Variants in DTWD2 observed in about 807,000 individuals in gnomAD.
The protein encoded by DTWD2 is tRNA-uridine aminocarboxypropyltransferase 2.
DTWD2 carries 39 observed loss-of-function variants against 31.8 expected under a neutral mutation model. The ratio of observed to expected loss-of-function variants is 1.22; its 90% CI spans 0.95 to 1.60. DTWD2 has a LOEUF of 1.60. DTWD2 is among the 40% of genes most tolerant of loss of function. The pLI is 0.00. For synonymous variants in DTWD2, 180 were observed against 142.8 expected (o/e 1.26, Z -1.86); for missense variants, 515 against 381.5 (o/e 1.35, Z -2.92).
intron 4 of DTWD2, among the ~76,000 whole-genome samples, chr5:118,893,010 T>C (rs1274562844): frequency 6.8e-6 from 1 of 147,800 alleles, no homozygotes; most frequent in Non-Finnish European, 1.5e-5. Flanking sequence ...TAGGAAAATA[T>C]TGTTAAGTTA....
chr5:118,917,702 T>C (rs1285241242), intron 4 of DTWD2, among the ~76,000 whole-genome samples: 1 of 152,160 alleles, frequency 6.6e-6, no homozygotes, highest in Admixed American at 6.5e-5. Context: ...CCGGGCACAG[T>C]GGCTCATGCC....
chr5:118,852,758 C>T (rs1329399849), intron 4 of DTWD2, among the ~76,000 whole-genome samples: 1 of 152,136 alleles, frequency 6.6e-6, no homozygotes, highest in East Asian at 1.9e-4. Context: ...ATTGTTCTAT[C>T]ATAATGACAC....
Position 118,979,381 on chromosome 5 carries a change from AAAAAG to A in DTWD2, c.218+8908_218+8912del, listed in dbSNP as rs373620383. Among the ~76,000 whole-genome samples the A allele has an allele frequency of 7.2e-3, 1,093 of 152,300 alleles. 10 individuals carry two copies. Among genetic ancestry groups the A allele is most frequent in the African/African-American group, 0.024 (1,009 of 41,560 alleles). ...CAGATGCTGGTGAGGTTGTGGAGAAAAAAAGAACACTTTTATACTATTGGTGGAAG... is the reference window on the plus strand; with the variant it reads ...CAGATGCTGGTGAGGTTGTGGAGAAAAACACTTTTATACTATTGGTGGAAG... On this transcript the variant is annotated intron_variant, in intron 1 of 5. Coordinates refer to ENST00000510708, the MANE Select transcript of DTWD2 (RefSeq NM_173666.4).
intron 4 of DTWD2, among the ~76,000 whole-genome samples, chr5:118,913,998 T>C (rs1753518864): frequency 6.6e-6 from 1 of 152,036 alleles, no homozygotes; most frequent in Non-Finnish European, 1.5e-5. Flanking sequence ...AATTAATATG[T>C]ATTAATGCAT....
chr5:118,936,009 A>C (rs1435580885), intron 3 of DTWD2, among the ~76,000 whole-genome samples: 1 of 152,238 alleles, frequency 6.6e-6, no homozygotes, highest in Non-Finnish European at 1.5e-5. Context: ...AACAAGTATC[A>C]ATAAAATTTT....
chr5:118,920,409 C>A (rs565494327), intron 4 of DTWD2, among the ~76,000 whole-genome samples: 1 of 152,040 alleles, frequency 6.6e-6, no homozygotes, highest in South Asian at 2.1e-4. Context: ...GCAAACACAA[C>A]GTACTCTTAA....
At chr5:118,921,433 C>T (rs1753701191) in intron 4 of DTWD2, among the ~76,000 whole-genome samples, 1 of 150,522 alleles carries the variant, frequency 6.6e-6, no homozygotes, top group African/African-American at 2.4e-5. Context: ...GTGGGTGGAT[C>T]GCTTTGAGCC....
At position 118,964,586 on chromosome 5, in the gene DTWD2, C is replaced by T. The variant is rs181750136; in HGVS notation, c.219-19937G>A. Among the ~76,000 whole-genome samples, 164 of 152,334 alleles carry T rather than the reference C, an allele frequency of 1.1e-3. 2 individuals are homozygous for T. Among genetic ancestry groups the T allele is most frequent in the African/African-American group, 3.7e-3 (153 of 41,586 alleles). Reference sequence around the variant, plus strand: ...TGCCGAATGCCTGCGATTGCAGGCGCGTGCCGCCACGCCTGACTGGTTTTC... The same window carrying T: ...TGCCGAATGCCTGCGATTGCAGGCGTGTGCCGCCACGCCTGACTGGTTTTC... On this transcript the variant is annotated intron_variant, in intron 1 of 5. Coordinates refer to ENST00000510708, the MANE Select transcript of DTWD2 (RefSeq NM_173666.4).
intron 4 of DTWD2, among the ~76,000 whole-genome samples, chr5:118,878,199 G>A (rs1322253712): frequency 1.3e-5 from 2 of 152,138 alleles, no homozygotes; most frequent in Non-Finnish European, 2.9e-5. Context: ...AGCCCAAATA[G>A]CCAAGGCAAT....
intron 4 of DTWD2, among the ~76,000 whole-genome samples, chr5:118,884,123 G>T (rs1752802860): frequency 6.6e-6 from 1 of 152,148 alleles, no homozygotes; most frequent in Non-Finnish European, 1.5e-5. Context: ...ATCAAATCTA[G>T]AATGTTCTTA....
chr5:118,928,879 A>AG, intron 3 of DTWD2, 150 bp from the exon 4 acceptor site: 1 of 667,086 alleles, frequency 1.5e-6, no homozygotes, highest in Non-Finnish European at 2.2e-6. Flanking sequence ...TGAATTAAAA[A>AG]GACTCAAAAT....
chr5:118,976,649 G>C (rs543708435), intron 1 of DTWD2, among the ~76,000 whole-genome samples: 1 of 152,116 alleles, frequency 6.6e-6, no homozygotes, highest in Non-Finnish European at 1.5e-5. Flanking sequence ...GGAAGAAGTC[G>C]AATCCCTGAA....
intron 1 of DTWD2, among the ~76,000 whole-genome samples, chr5:118,953,876 T>C (rs992475915): frequency 1.3e-5 from 2 of 152,198 alleles, no homozygotes; most frequent in African/African-American, 4.8e-5. Flanking sequence ...CTTATGCACC[T>C]GAGTGTCTAG....
At chr5:118,943,522 G>A (rs1194072153) in intron 2 of DTWD2, among the ~76,000 whole-genome samples, 1 of 149,586 alleles carries the variant, frequency 6.7e-6, no homozygotes, top group Non-Finnish European at 1.5e-5. Context: ...CTGCACTCCT[G>A]CTTGGGCAAC....
intron 1 of DTWD2, among the ~76,000 whole-genome samples, chr5:118,956,751 C>A (rs184558544): frequency 2.0e-5 from 3 of 152,208 alleles, no homozygotes; most frequent in Admixed American, 1.3e-4. Flanking sequence ...AAATAGTGCA[C>A]CTCAACTTTA....
In DTWD2 at chr5:118,840,799, T is replaced by C. The variant is rs578048740; in HGVS notation, c.*118A>G. ...GTTTACTTCCTTCTTCTGGGTAAGA[T>C]TAGTATGCAATTCTCCTTCTTTAGC... is the stretch of plus-strand genomic sequence containing the variant. On this transcript the variant is annotated 3_prime_UTR_variant, in exon 6 of 6. Coordinates refer to ENST00000510708, the MANE Select transcript of DTWD2 (RefSeq NM_173666.4). 5.8e-6 allele frequency: 6 copies of C among 1,034,400 alleles called. No homozygotes were observed. The African/African-American group carries it at 1.0e-4, about 17-fold the overall frequency. The allele number at this position is 1,034,400 out of a possible 1,614,324, so 64.1% of individuals were successfully genotyped here. A position where few individuals can be genotyped will look rare whatever the true frequency, so the allele number is the denominator to read the frequency against.
At chr5:118,851,456 G>A (rs1011476472) in intron 4 of DTWD2, among the ~76,000 whole-genome samples, 2 of 151,986 alleles carry the variant, frequency 1.3e-5, no homozygotes, top group Non-Finnish European at 2.9e-5. Flanking sequence ...CAAAAGGGGA[G>A]GGGGTGTATG....
intron 4 of DTWD2, among the ~76,000 whole-genome samples, chr5:118,922,026 G>A (rs368329279): frequency 6.6e-6 from 1 of 152,176 alleles, no homozygotes; most frequent in African/African-American, 2.4e-5. Context: ...AGTAGAGAAA[G>A]GATATGCAAC....
At chr5:118,939,342 T>G (rs1438899337) in intron 2 of DTWD2, 52 bp from the exon 3 acceptor site, 2 of 1,366,592 alleles carry the variant, frequency 1.5e-6, no homozygotes, top group Non-Finnish European at 2.0e-6. Flanking sequence ...ATATACACAC[T>G]TTTAAATATT....
Sources: allele counts gnomAD v4.1 joint callset (sites outside exome capture counted in the v4.1 genomes callset), GRCh38; gene constraint gnomAD v4.1.1; transcripts MANE v1.5; gene names NCBI Gene and HGNC (gene_info 2026-07-23, HGNC 2026-07-21).